Variants in RFX4 observed in about 807,000 individuals in gnomAD.
The protein encoded by RFX4 is transcription factor RFX4.
RFX4 carries 10 observed loss-of-function variants against 95.0 expected under a neutral mutation model. The ratio of observed to expected loss-of-function variants is 0.11; its 90% confidence interval spans 0.06 to 0.18. The LOEUF (loss-of-function observed/expected upper bound fraction) is 0.18, where lower values mean the gene tolerates loss of function less well. RFX4 is among the 10% of genes least tolerant of loss of function. RFX4 has a pLI of 1.00. For missense variants in RFX4, 640 were observed against 922.0 expected (o/e 0.69, Z 3.96); for synonymous variants, 321 against 340.7 (o/e 0.94, Z 0.64).
Position 106,704,065 on chromosome 12 carries a change from C to CAAAAAAAAAA in RFX4, c.834-5248_834-5239dup, listed in dbSNP as rs34213070. Among the ~76,000 whole-genome samples the CAAAAAAAAAA allele has an allele frequency of 7.3e-5, 3 of 40,964 alleles. 1 individual carries two copies. Among genetic ancestry groups the CAAAAAAAAAA allele is most frequent in the Admixed American group, 6.3e-4 (2 of 3,182 alleles). The allele number at this position is 40,964 out of a possible 152,430, so 26.9% of individuals were successfully genotyped here. A position where few individuals can be genotyped will look rare whatever the true frequency, so the allele number is the denominator to read the frequency against. ...TGGGTGACATAGCAAGACACTGTCT[C>CAAAAAAAAAA]AAAAAAAAAAAAAAAAAAAAAAAAA... On this transcript the variant is annotated intron_variant, in intron 8 of 17. Transcript: ENST00000392842.
chr12:106,607,579 G>T, intron 1 of RFX4, among the ~76,000 whole-genome samples: 1 of 130,476 alleles, frequency 7.7e-6, no homozygotes, highest in Non-Finnish European at 1.5e-5. Flanking sequence ...GGGTGGGGTG[G>T]GGGGGGCGTG....
chr12:106,604,168 T>G (rs2039775006), intron 1 of RFX4, among the ~76,000 whole-genome samples: 1 of 147,666 alleles, frequency 6.8e-6, no homozygotes, highest in Non-Finnish European at 1.5e-5. Flanking sequence ...TCACCCAGGC[T>G]GGAGTGCAGT....
At chr12:106,742,861 T>C (rs939444863) in intron 15 of RFX4, among the ~76,000 whole-genome samples, 2 of 152,208 alleles carry the variant, frequency 1.3e-5, no homozygotes, top group African/African-American at 2.4e-5. Context: ...AATGGGTCAA[T>C]GTATAAAAGG....
At chr12:106,588,032 G>C (rs532289881) in intron 1 of RFX4, among the ~76,000 whole-genome samples, 4 of 152,256 alleles carry the variant, frequency 2.6e-5, no homozygotes, top group African/African-American at 9.6e-5. Context: ...CAGCTCACAG[G>C]CTGGGATCTC....
chr12:106,600,368 C>T (rs565055206), intron 1 of RFX4, among the ~76,000 whole-genome samples: 1 of 152,120 alleles, frequency 6.6e-6, no homozygotes, highest in East Asian at 1.9e-4. Flanking sequence ...CCTAACTCCC[C>T]CAGATTAGAC....
At chr12:106,688,765 A>T (rs1020592958) in intron 6 of RFX4, among the ~76,000 whole-genome samples, 2 of 132,030 alleles carry the variant, frequency 1.5e-5, no homozygotes, top group Non-Finnish European at 1.6e-5. Flanking sequence ...GGAGGGGGAG[A>T]TTAATTTTTT....
rs1321931451 is a variant in RFX4, at chr12:106,675,727, A to G, written c.316-6266A>G. ...GAAATAAGGTACAAGCTGAGATGTG[A>G]GGATGAGTAGACATTAGGCAGAAAA... On this transcript the variant is annotated intron_variant, in intron 4 of 17. Transcript: ENST00000392842. Among the ~76,000 whole-genome samples the G allele has an allele frequency of 2.0e-5, 3 of 152,222 alleles. No homozygotes were observed. In the East Asian group the frequency reaches 5.8e-4, roughly 29 times the overall value.
At chr12:106,733,969 A>C (rs993121324) in intron 15 of RFX4, among the ~76,000 whole-genome samples, 1 of 152,254 alleles carries the variant, frequency 6.6e-6, no homozygotes, top group African/African-American at 2.4e-5. Context: ...TGGTATATAC[A>C]TAAATGGAAT....
intron 10 of RFX4, among the ~76,000 whole-genome samples, chr12:106,712,363 C>T (rs1254608295): frequency 1.3e-5 from 2 of 152,198 alleles, no homozygotes; most frequent in African/African-American, 4.8e-5. Flanking sequence ...GCTGCTGGGC[C>T]AAGCTTCTCC....
intron 4 of RFX4, among the ~76,000 whole-genome samples, chr12:106,658,915 G>A (rs897541126): frequency 5.9e-5 from 9 of 152,114 alleles, no homozygotes; most frequent in Admixed American, 3.3e-4. Context: ...CACACCGAGT[G>A]TTACACCCTG....
chr12:106,647,950 T>A (rs928364280), intron 3 of RFX4, among the ~76,000 whole-genome samples: 1 of 152,088 alleles, frequency 6.6e-6, no homozygotes, highest in African/African-American at 2.4e-5. Flanking sequence ...GATCTCAAAC[T>A]CTAAAACCAG....
intron 17 of RFX4, among the ~76,000 whole-genome samples, chr12:106,758,398 T>C (rs2043147684): frequency 6.6e-6 from 1 of 152,228 alleles, no homozygotes; most frequent in African/African-American, 2.4e-5. Context: ...CAGAATTTTA[T>C]TGTCACATTA....
At chr12:106,673,213 A>G (rs1168252621) in intron 4 of RFX4, among the ~76,000 whole-genome samples, 1 of 152,222 alleles carries the variant, frequency 6.6e-6, no homozygotes, top group Non-Finnish European at 1.5e-5. Flanking sequence ...CTAGAAAATA[A>G]TGATAACTAG....
At chr12:106,648,169 TG>T (rs958030462) in intron 3 of RFX4, among the ~76,000 whole-genome samples, 6 of 152,192 alleles carry the variant, frequency 3.9e-5, no homozygotes, top group African/African-American at 1.4e-4. Flanking sequence ...GGTTAGCAGA[TG>T]GGGTTGAGTG....
At chr12:106,599,942 C>T (rs1255773928) in intron 1 of RFX4, among the ~76,000 whole-genome samples, 2 of 152,060 alleles carry the variant, frequency 1.3e-5, no homozygotes, top group Non-Finnish European at 2.9e-5. Flanking sequence ...CCATTCTCTC[C>T]CCTCTAAAAT....
intron 5 of RFX4, chr12:106,683,466 G>GAAAATAAA (rs2041565172): frequency 2.0e-5 from 1 of 50,816 alleles, no homozygotes; most frequent in Admixed American, 3.8e-4. Context: ...TGACTATTCT[G>GAAAATAAA]AAAAAAAAAA....
At chr12:106,645,734 C>A in intron 3 of RFX4, 1 of 389,542 alleles carries the variant, frequency 2.6e-6, no homozygotes, top group Non-Finnish European at 5.0e-6. Context: ...TGGATGTAAC[C>A]GATAACTGAC....
intron 7 of RFX4, among the ~76,000 whole-genome samples, chr12:106,691,295 C>T (rs1324097013): frequency 6.6e-6 from 1 of 152,186 alleles, no homozygotes; most frequent in Non-Finnish European, 1.5e-5. Context: ...CATACAAATG[C>T]TTGTTCTTTT....
At chr12:106,587,706 A>G (rs756306536) in intron 1 of RFX4, among the ~76,000 whole-genome samples, 1 of 152,160 alleles carries the variant, frequency 6.6e-6, no homozygotes, top group African/African-American at 2.4e-5. Context: ...AGGCTCACCA[A>G]CGTGAAAGGT....
Sources: gnomAD v4.1 joint callset for allele counts (sites outside exome capture counted in the v4.1 genomes callset) on GRCh38, gnomAD v4.1.1 for gene constraint, MANE v1.5 for transcripts, NCBI Gene and HGNC (gene_info 2026-07-23, HGNC 2026-07-21) for gene names.